Variants in CASZ1 observed in about 807,000 individuals in gnomAD.
CASZ1 encodes zinc finger protein castor homolog 1.
Under a neutral mutation model 135.2 loss-of-function variants are expected in CASZ1, and 28 were observed. The ratio of observed to expected loss-of-function variants is 0.21; its 90% confidence interval spans 0.15 to 0.28. The LOEUF (loss-of-function observed/expected upper bound fraction) is 0.28, where lower values mean the gene tolerates loss of function less well. Among genes scored for constraint, CASZ1 ranks in the 10% least tolerant of loss-of-function variants. The probability of loss-of-function intolerance (pLI) is 1.00; values close to 1 mark genes in which losing one functional copy is unlikely to be tolerated. For missense variants in CASZ1, 2,161 were observed against 2,453.3 expected (o/e 0.88, Z 2.52); for synonymous variants, 1,068 against 1,073.4 (o/e 0.99, Z 0.10).
intron 2 of CASZ1, among the ~76,000 whole-genome samples, chr1:10,753,412 G>A (rs1640184897): frequency 1.3e-5 from 2 of 152,172 alleles, no homozygotes; most frequent in African/African-American, 2.4e-5. Flanking sequence ...GCTCACCTGC[G>A]GGGGTCCCCT....
At chr1:10,754,381 C>A (rs1362593769) in intron 2 of CASZ1, among the ~76,000 whole-genome samples, 2 of 152,184 alleles carry the variant, frequency 1.3e-5, no homozygotes, top group African/African-American at 4.8e-5. Flanking sequence ...CAATGACTAC[C>A]CACAGTGTCG....
chr1:10,642,535 C>T (rs535133330), intron 20 of CASZ1, among the ~76,000 whole-genome samples: 18 of 151,800 alleles, frequency 1.2e-4, no homozygotes, highest in Non-Finnish European at 2.1e-4. Context: ...GCAGGTGTGC[C>T]GGGCAGGACC....
At chr1:10,704,122 A>C (rs530582333) in intron 3 of CASZ1, 1 of 152,384 alleles carries the variant, frequency 6.6e-6, no homozygotes, top group Non-Finnish European at 1.5e-5. Context: ...CGGCGTGGGA[A>C]GCCAATATCC....
rs1443024550 is a variant in CASZ1, at chr1:10,700,078, G to GACAC, written c.-24+5413_-24+5414insGTGT. The stretch of plus-strand genomic sequence containing the variant: ...AGAGACAGAGAGAGAAAGAGAGATA[G>GACAC]AGACACACACACACACACACACACA... On this transcript the variant is annotated intron_variant, in intron 3 of 20. Coordinates refer to ENST00000377022, the MANE Select transcript of CASZ1 (RefSeq NM_001079843.3). The surrounding 1 kb of genome is among the most constrained non-coding windows in gnomAD (Gnocchi z 4.2). Among the ~76,000 whole-genome samples, 67 of 74,176 alleles carry GACAC rather than the reference G, an allele frequency of 9.0e-4. No homozygotes were observed. The highest frequency in any genetic ancestry group is 3.7e-3 in the African/African-American group (63 of 17,192). 48.7% of individuals were successfully genotyped at this position (74,176 alleles called of 152,430 possible).
In CASZ1 at chr1:10,747,016, C is replaced by A. The variant is rs1351351668; in HGVS notation, c.-77+13685G>T. On this transcript the variant is annotated intron_variant, in intron 2 of 20. Coordinates refer to ENST00000377022, the MANE Select transcript of CASZ1 (RefSeq NM_001079843.3). The surrounding 1 kb of genome is among the most constrained non-coding windows in gnomAD (Gnocchi z 4.3). Reference sequence around the variant, plus strand: ...GATGGATGACCCCATGGCTTCTCCCCTCATAGCCCCCGCTAACCAGGAGTG... The same window carrying A: ...GATGGATGACCCCATGGCTTCTCCCATCATAGCCCCCGCTAACCAGGAGTG... 6.6e-6 allele frequency among the ~76,000 whole-genome samples: 1 copy of A among 152,268 alleles called. No individual in the cohort carries two copies. The highest frequency in any genetic ancestry group is 2.4e-5 in the African/African-American group (1 of 41,472).
chr1:10,667,272 C>T (rs533450480), intron 4 of CASZ1, among the ~76,000 whole-genome samples: 3 of 152,330 alleles, frequency 2.0e-5, no homozygotes, highest in Admixed American at 6.5e-5. Flanking sequence ...GTGGCCAGTA[C>T]GGATGGCTCA....
At chr1:10,658,667 C>G in intron 6 of CASZ1, 91 bp from the exon 7 acceptor site, 1 of 1,121,380 alleles carries the variant, frequency 8.9e-7, no homozygotes, top group Non-Finnish European at 1.4e-6. Flanking sequence ...GCCCTGAGGC[C>G]CCAGCCCCTC....
chr1:10,768,700 A>G (rs1182481867), intron 1 of CASZ1, among the ~76,000 whole-genome samples: 3 of 152,170 alleles, frequency 2.0e-5, no homozygotes, highest in Admixed American at 2.0e-4. Flanking sequence ...ATCACCACTG[A>G]GAGCCAATCA....
intron 1 of CASZ1, among the ~76,000 whole-genome samples, chr1:10,769,556 TGCCTA>T (rs1460897093): frequency 6.6e-6 from 1 of 152,172 alleles, no homozygotes; most frequent in Non-Finnish European, 1.5e-5. Flanking sequence ...CTCACTCTGT[TGCCTA>T]GCTGGAGTGC....
chr1:10,688,895 C>T (rs1308511861), intron 4 of CASZ1, among the ~76,000 whole-genome samples: 2 of 152,088 alleles, frequency 1.3e-5, no homozygotes, highest in Non-Finnish European at 2.9e-5. Flanking sequence ...GTACCCTGGC[C>T]CAGCTACCCC....
chr1:10,653,886 T>C lies in CASZ1; in HGVS notation c.2171A>G (p.Asp724Gly), dbSNP rs774394557. The C allele has an allele frequency of 6.2e-7, 1 of 1,613,264 alleles. No individual in the cohort carries two copies. The highest frequency in any genetic ancestry group is 2.2e-5 in the East Asian group (1 of 44,834). ...GCTCAGGGCGGAGAAGTCAACAAGG[T>C]CGTCGTTGCTGGACTCCTCGTGCTC... ...DTEHEESSND[D>G]LVDFSALSSK... Residue 724 changes from aspartate (D) to glycine (G), a missense_variant, in exon 11 of 21, where the codon GAC (aspartate) becomes GGC (glycine). Coordinates refer to ENST00000377022, the MANE Select transcript of CASZ1 (RefSeq NM_001079843.3).
chr1:10,665,553 G>A lies in CASZ1; in HGVS notation c.35C>T (p.Thr12Met), dbSNP rs369466187. ...DLGTAEGTRC[T>M]DPPAGKPAMA... The stretch of plus-strand genomic sequence containing the variant: ...GGCGGGCTTGCCTGCAGGCGGGTCC[G>A]TGCACCGGGTGCCCTCAGCTGCAGG... The change falls in exon 5 of 21, where the codon ACG becomes ATG. Residue 12 changes from threonine (T) to methionine (M), a missense_variant. Thr to Met is a moderately conservative substitution (Grantham distance 81, BLOSUM62 -1). Transcript: ENST00000377022. The A allele has an allele frequency of 4.4e-5, 69 of 1,563,142 alleles. No individual in the cohort carries two copies. Among genetic ancestry groups the A allele is most frequent in the African/African-American group, 2.4e-4 (18 of 74,196 alleles).
intron 1 of CASZ1, among the ~76,000 whole-genome samples, chr1:10,790,022 G>A (rs1416627494): frequency 6.6e-6 from 1 of 152,192 alleles, no homozygotes; most frequent in Non-Finnish European, 1.5e-5. Flanking sequence ...GCCTCCTGCT[G>A]CTGGCACACC....
Position 10,639,773 on chromosome 1 carries a change from G to A in CASZ1, c.4449C>T (p.Arg1483=), listed in dbSNP as rs969487418. 9 of 1,601,930 alleles carry A rather than the reference G, an allele frequency of 5.6e-6. No homozygotes were observed. In the African/African-American group the frequency reaches 9.4e-5, roughly 17 times the overall value. ...AGTCGTCCAGCACCAGGTTGTCCAC[G>A]CGGTCGTGGTGCTGCGCGTGCTTGT... is the stretch of plus-strand genomic sequence containing the variant. The part of the protein sequence containing the change: ...HMYKHAQHHD[R]VDNLVLDDFK... Residue 1483 remains arginine (R), a synonymous_variant, in exon 21 of 21, where the codon CGC becomes CGT. Transcript: ENST00000377022. The surrounding 1 kb of genome is among the most constrained non-coding windows in gnomAD (Gnocchi z 4.0).
chr1:10,651,008 T>C lies in CASZ1; in HGVS notation c.2749A>G (p.Thr917Ala). Residue 917 changes from threonine to alanine, a missense_variant, in exon 12 of 21, where the codon ACC becomes GCC. Thr to Ala is a moderately conservative substitution (Grantham distance 58). This residue lies in a region of CASZ1 where 406 missense variants were observed against 387.6 expected (regional missense o/e 1.05). Transcript: ENST00000377022. ...AQVKPEPGESTGAPGPHEASQ... is the reference protein window; with the variant it reads ...AQVKPEPGESAGAPGPHEASQ... ...GCTTCGTGGGGGCCTGGGGCGCCGG[T>C]GCTCTCACCGGGTTCCGGCTTCACT... 6.4e-7 allele frequency: 1 copy of C among 1,570,276 alleles called. No homozygotes were observed. Among genetic ancestry groups the C allele is most frequent in the Non-Finnish European group, 8.6e-7 (1 of 1,167,666 alleles).
chr1:10,780,855 A>C (rs1422238827), intron 1 of CASZ1, among the ~76,000 whole-genome samples: 2 of 152,204 alleles, frequency 1.3e-5, no homozygotes, highest in Admixed American at 6.5e-5. Flanking sequence ...TACAATGGGA[A>C]TCGAACCACT....
At chr1:10,742,227 T>C (rs1404906745) in intron 2 of CASZ1, among the ~76,000 whole-genome samples, 1 of 152,102 alleles carries the variant, frequency 6.6e-6, no homozygotes, top group Non-Finnish European at 1.5e-5. Flanking sequence ...GACAAAGAGC[T>C]GGGCAGAGGG....
At chr1:10,778,523 C>T (rs1356550517) in intron 1 of CASZ1, among the ~76,000 whole-genome samples, 1 of 152,124 alleles carries the variant, frequency 6.6e-6, no homozygotes, top group Non-Finnish European at 1.5e-5. Flanking sequence ...ATCTCAGACA[C>T]GATCACACGC....
chr1:10,665,254 C>T lies in CASZ1; in HGVS notation c.334G>A (p.Glu112Lys), dbSNP rs771369589. 3.7e-5 allele frequency: 59 copies of T among 1,606,816 alleles called. No homozygotes were observed. The highest frequency in any genetic ancestry group is 3.6e-4 in the African/African-American group (27 of 74,876). Residue 112 changes from glutamate to lysine, a missense_variant, in exon 5 of 21, where the codon GAG becomes AAG. Physicochemically the swap from Glu to Lys is moderately conservative, Grantham distance 56. This residue lies in a region of CASZ1 where 590 missense variants were observed against 609.8 expected (regional missense o/e 0.97). Transcript: ENST00000377022. ...PTPVLGRIAREGLELPPEGVY... is the reference protein window; with the variant it reads ...PTPVLGRIARKGLELPPEGVY... ...CCCTCGGGAGGCAGCTCCAGGCCCTCGCGGGCAATCCGCCCCAACACGGGT... is the reference window on the plus strand; with the variant it reads ...CCCTCGGGAGGCAGCTCCAGGCCCTTGCGGGCAATCCGCCCCAACACGGGT...
Sources: allele counts gnomAD v4.1 joint callset (sites outside exome capture counted in the v4.1 genomes callset), GRCh38; gene constraint gnomAD v4.1.1; regional missense constraint gnomAD v4.1.1; non-coding constraint Gnocchi (gnomAD v3.1); transcripts MANE v1.5; gene names NCBI Gene and HGNC (gene_info 2026-07-23, HGNC 2026-07-21).